The following ZNF260 variants were observed in gnomAD, a reference collection of about 807,000 sequenced individuals.
The protein encoded by ZNF260 is zinc finger protein 260.
Under a neutral mutation model 29.3 loss-of-function variants are expected in ZNF260, and 21 were observed. That is an observed-to-expected ratio of 0.72 (90% CI 0.51 to 1.03). The LOEUF is 1.03. Among genes scored for constraint, ZNF260 ranks in the 50% least tolerant of loss-of-function variants. ZNF260 has a pLI of 0.00. For synonymous variants in ZNF260, 156 were observed against 156.8 expected (o/e 0.99, Z 0.04); for missense variants, 465 against 487.8 (o/e 0.95, Z 0.44).
rs143760338 is a variant in ZNF260 at position 36,514,536 on chromosome 19, G to C, written c.703C>G (p.Leu235Val). Residue 235 changes from leucine (L) to valine (V), a missense_variant, in exon 3 of 3, where the codon CTC becomes GTC. By Grantham distance (32) the Leu-to-Val change is conservative (BLOSUM62 1). Coordinates refer to ENST00000523638, the MANE Select transcript of ZNF260 (RefSeq NM_001166037.2). ...GTGTGACTTCTCTGGTGTCTAATGA[G>C]GCTTGACTTCTGAATGAAAGCTTTC... Reference protein sequence around the residue: ...CGKAFIQKSSLIRHQRSHTGE... With the variant: ...CGKAFIQKSSVIRHQRSHTGE... 3.4e-4 allele frequency: 554 copies of C among 1,613,738 alleles called. 1 individual carries two copies. The highest frequency in any genetic ancestry group is 4.5e-4 in the Non-Finnish European group (533 of 1,179,966).
At chr19:36,527,318 T>G (rs1379358280) in intron 1 of ZNF260, among the ~76,000 whole-genome samples, 1 of 152,244 alleles carries the variant, frequency 6.6e-6, no homozygotes, top group Non-Finnish European at 1.5e-5. Context: ...TCAAAACTAT[T>G]AACCCTGTTA....
rs551784829 is a variant in ZNF260, at chr19:36,525,986, A to C, written c.-680-613T>G. 2.0e-5 allele frequency among the ~76,000 whole-genome samples: 3 copies of C among 152,284 alleles called. No homozygotes were observed. The South Asian group carries it at 6.2e-4, about 32-fold the overall frequency. The stretch of plus-strand genomic sequence containing the variant: ...TGAGTGAAGTCACATCTTTGCATAT[A>C]ATTTTTCCCCATAACACTTTTCTCA... On this transcript the variant is annotated intron_variant, in intron 1 of 2. Transcript: ENST00000523638.
chr19:36,525,008 C>T (rs1221720981), intron 2 of ZNF260, 147 bp downstream of exon 2: 1 of 152,032 alleles, frequency 6.6e-6, no homozygotes, highest in Non-Finnish European at 1.5e-5. Context: ...AAAGAATTCC[C>T]AGCAACAGTC....
chr19:36,518,020 G>T (rs1487240832), intron 2 of ZNF260: 1 of 151,908 alleles, frequency 6.6e-6, no homozygotes, highest in Non-Finnish European at 1.5e-5. Flanking sequence ...AGTTAGAGAC[G>T]GGGCTTCACC....
At chr19:36,522,435 A>G (rs1218405568) in intron 2 of ZNF260, among the ~76,000 whole-genome samples, 3 of 152,268 alleles carry the variant, frequency 2.0e-5, no homozygotes, top group Non-Finnish European at 4.4e-5. Flanking sequence ...TGGCCTAGGC[A>G]ACAAGAGTGA....
chr19:36,520,740 G>A (rs1282973979), intron 2 of ZNF260, among the ~76,000 whole-genome samples: 1 of 151,562 alleles, frequency 6.6e-6, no homozygotes, highest in Non-Finnish European at 1.5e-5. Context: ...GGCGCCTGTA[G>A]TCCCAGCTAC....
At position 36,512,097 on chromosome 19, in the gene ZNF260, G is replaced by A. The variant is rs576621992; in HGVS notation, c.*1903C>T. ...AATGTATGTGATCCAACCAATCTGT[G>A]GCAAATCATAACCTCCAAGACTATA... On this transcript the variant is annotated 3_prime_UTR_variant, in exon 3 of 3. Coordinates refer to ENST00000523638, the MANE Select transcript of ZNF260 (RefSeq NM_001166037.2). 3.9e-5 allele frequency: 6 copies of A among 152,010 alleles called. No homozygotes were observed. Among genetic ancestry groups the A allele is most frequent in the Admixed American group, 3.9e-4 (6 of 15,236 alleles). 9.4% of individuals were successfully genotyped at this position (152,010 alleles called of 1,614,324 possible).
In ZNF260 at chr19:36,520,342, G is replaced by A. The variant is rs55757219; in HGVS notation, c.-461-4643C>T. On this transcript the variant is annotated intron_variant, in intron 2 of 2. Coordinates refer to ENST00000523638, the MANE Select transcript of ZNF260 (RefSeq NM_001166037.2). Reference sequence around the variant, plus strand: ...ATTCTTAAGGAAAAACTTAAAAGAAGTAAGAGTAAAAAAGAAAAAGATATT... The same window carrying A: ...ATTCTTAAGGAAAAACTTAAAAGAAATAAGAGTAAAAAAGAAAAAGATATT... Among the ~76,000 whole-genome samples, 317 of 152,018 alleles carry A rather than the reference G, an allele frequency of 2.1e-3. 2 individuals are homozygous for A. Among genetic ancestry groups the A allele is most frequent in the African/African-American group, 7.3e-3 (301 of 41,502 alleles).
intron 2 of ZNF260, among the ~76,000 whole-genome samples, chr19:36,518,915 TA>T (rs2034595832): frequency 6.6e-6 from 1 of 152,082 alleles, no homozygotes; most frequent in Non-Finnish European, 1.5e-5. Context: ...TGGTGGCATA[TA>T]CATGTACTCC....
In ZNF260 at chr19:36,511,667, T is replaced by A. The variant is rs2145735174; in HGVS notation, c.*2333A>T. On this transcript the variant is annotated 3_prime_UTR_variant, in exon 3 of 3. Coordinates refer to ENST00000523638, the MANE Select transcript of ZNF260 (RefSeq NM_001166037.2). ...ACTCCGTCTCAAAAAAAAAAAAAAA[T>A]CATTAGTAGCGTTCTCTGTCAGTTT... 1 of 149,766 alleles carries A rather than the reference T, an allele frequency of 6.7e-6. No homozygotes were observed. Among genetic ancestry groups the A allele is most frequent in the South Asian group, 2.1e-4 (1 of 4,736 alleles). The allele number at this position is 149,766 out of a possible 1,614,324, so 9.3% of individuals were successfully genotyped here. A position where few individuals can be genotyped will look rare whatever the true frequency, so the allele number is the denominator to read the frequency against.
intron 2 of ZNF260, among the ~76,000 whole-genome samples, chr19:36,520,496 C>T (rs1283087618): frequency 2.0e-5 from 3 of 151,750 alleles, no homozygotes; most frequent in Non-Finnish European, 4.4e-5. Flanking sequence ...TAAACAGAAA[C>T]ATAAACATAG....
At chr19:36,522,463 T>C (rs535989632) in intron 2 of ZNF260, among the ~76,000 whole-genome samples, 49 of 151,760 alleles carry the variant, frequency 3.2e-4, no homozygotes, top group Non-Finnish European at 6.8e-4. Context: ...TCTCAAAAAA[T>C]AAATAAATAA....
intron 1 of ZNF260, 116 bp from the exon 2 acceptor site, chr19:36,525,489 C>G (rs1568556076): frequency 6.6e-6 from 1 of 151,706 alleles, no homozygotes; most frequent in Non-Finnish European, 1.5e-5. Flanking sequence ...CATTCAAAAG[C>G]TCTACACATT....
chr19:36,517,783 C>CTGG (rs202227443), intron 2 of ZNF260, among the ~76,000 whole-genome samples: 1,688 of 152,062 alleles, frequency 0.011, 23 homozygotes, highest in South Asian at 0.044. Context: ...TCCGAGAATG[C>CTGG]TGGTGGTTAC....
In ZNF260 at chr19:36,513,413, ATAT is replaced by A; in HGVS notation, c.*584_*586del. On this transcript the variant is annotated 3_prime_UTR_variant, in exon 3 of 3. Transcript: ENST00000523638. ...TAAGAATTCATAAGAAAAATATTTT[ATAT>A]TATGATGGGAGATATTATTTTTCCA... 1 of 214,214 alleles carries A rather than the reference ATAT, an allele frequency of 4.7e-6. No homozygotes were observed. Among genetic ancestry groups the A allele is most frequent in the East Asian group, 9.8e-5 (1 of 10,254 alleles). 13.3% of individuals were successfully genotyped at this position (214,214 alleles called of 1,614,324 possible).
chr19:36,514,769 A>C lies in ZNF260; in HGVS notation c.470T>G (p.Ile157Ser). 1 of 1,613,372 alleles carries C rather than the reference A, an allele frequency of 6.2e-7. No individual in the cohort carries two copies. The highest frequency in any genetic ancestry group is 8.5e-7 in the Non-Finnish European group (1 of 1,179,972). ...TTCAAATGGTTTTTCTCCAGTATGA[A>C]TTTTCTCATGCTCAGTGAGATATGC... Reference protein sequence around the residue: ...GKAYLTEHEKIHTGEKPFECN... With the variant: ...GKAYLTEHEKSHTGEKPFECN... Residue 157 changes from isoleucine to serine, a missense_variant, in exon 3 of 3, where the codon ATT (isoleucine) becomes AGT (serine). Coordinates refer to ENST00000523638, the MANE Select transcript of ZNF260 (RefSeq NM_001166037.2).
At chr19:36,527,405 G>C (rs1014978200) in intron 1 of ZNF260, among the ~76,000 whole-genome samples, 3 of 152,298 alleles carry the variant, frequency 2.0e-5, no homozygotes, top group Non-Finnish European at 4.4e-5. Context: ...TTAAGAATAA[G>C]TGTGACAAGA....
At chr19:36,517,826 TTTTC>T (rs1039376861) in intron 2 of ZNF260, among the ~76,000 whole-genome samples, 1 of 151,944 alleles carries the variant, frequency 6.6e-6, no homozygotes, top group Admixed American at 6.6e-5. Context: ...TTATTTTCTT[TTTTC>T]TTTCTTTCTT....
intron 1 of ZNF260, among the ~76,000 whole-genome samples, chr19:36,526,988 AC>A (rs2034746342): frequency 6.6e-6 from 1 of 152,234 alleles, no homozygotes; most frequent in Non-Finnish European, 1.5e-5. Context: ...TGAAACAGGT[AC>A]AGAGGGGAAA....
Sources: allele counts gnomAD v4.1 joint callset (sites outside exome capture counted in the v4.1 genomes callset), GRCh38; gene constraint gnomAD v4.1.1; transcripts MANE v1.5; gene names NCBI Gene and HGNC (gene_info 2026-07-23, HGNC 2026-07-21).